Variants in COXFA4 observed in about 807,000 individuals in gnomAD.
COXFA4 encodes cytochrome c oxidase associated subunit FA4.
the COXFA4 span, among the ~76,000 whole-genome samples, chr7:10,934,014 A>G: frequency 6.6e-6 from 1 of 152,178 alleles, no homozygotes; most frequent in Non-Finnish European, 1.5e-5. Context: ...CATACTTCCA[A>G]TTCGGTAAGT....
At chr7:10,937,736 C>A in the COXFA4 span, 15 of 247,812 alleles carry the variant, frequency 6.1e-5, no homozygotes, top group African/African-American at 3.2e-4. Context: ...TCATGCCCCA[C>A]AAAAGACCAG....
chr7:10,934,386 A>AAAAAC, the COXFA4 span, among the ~76,000 whole-genome samples: 1 of 151,116 alleles, frequency 6.6e-6, no homozygotes, highest in African/African-American at 2.4e-5. Context: ...TAAAAAAAAA[A>AAAAAC]AAAAAAAACT....
chr7:10,939,819 G>A, the COXFA4 span: 2 of 704,512 alleles, frequency 2.8e-6, no homozygotes, highest in Non-Finnish European at 5.0e-6. Context: ...CCTCCTGTCA[G>A]ACAAAACCCC....
chr7:10,935,850 C>T, the COXFA4 span, among the ~76,000 whole-genome samples: 1 of 151,154 alleles, frequency 6.6e-6, no homozygotes, highest in Non-Finnish European at 1.5e-5. Flanking sequence ...GTTCACTTTT[C>T]ACTCACATTA....
At chr7:10,937,964 T>C in the COXFA4 span, 1 of 771,718 alleles carries the variant, frequency 1.3e-6, no homozygotes, top group Admixed American at 2.1e-5. Flanking sequence ...CAGAACTACC[T>C]AACAGCTCTT....
chr7:10,940,126 T>G, the COXFA4 span: 66 of 1,485,666 alleles, frequency 4.4e-5, no homozygotes, highest in Non-Finnish European at 6.0e-5. Context: ...AGCTAAAAAT[T>G]ATCTGCAATG....
the COXFA4 span, chr7:10,933,333 C>A: frequency 3.1e-6 from 1 of 324,450 alleles, no homozygotes; most frequent in Non-Finnish European, 5.8e-6. Context: ...AAGTGTTTTA[C>A]TAAAGCAGCT....
chr7:10,939,194 T>G, the COXFA4 span: 1 of 320,048 alleles, frequency 3.1e-6, no homozygotes, highest in African/African-American at 2.1e-5. Flanking sequence ...GTATCGAGTC[T>G]TCTTCACCTC....
At chr7:10,938,636 T>G in the COXFA4 span, 1 of 577,534 alleles carries the variant, frequency 1.7e-6, no homozygotes, top group Non-Finnish European at 3.1e-6. Flanking sequence ...AATTAGATAA[T>G]TTCATGAACC....
chr7:10,936,402 A>G, the COXFA4 span, among the ~76,000 whole-genome samples: 17 of 152,342 alleles, frequency 1.1e-4, 1 homozygote, highest in Middle Eastern at 3.4e-3. Flanking sequence ...TGAACTACAC[A>G]TACCCATAGA....
At chr7:10,938,488 T>C in the COXFA4 span, 2 of 420,426 alleles carry the variant, frequency 4.8e-6, no homozygotes, top group East Asian at 4.2e-5. Flanking sequence ...AATGTGCAAG[T>C]GAAGGCAAAA....
chr7:10,935,511 T>C, the COXFA4 span, among the ~76,000 whole-genome samples: 1 of 152,236 alleles, frequency 6.6e-6, no homozygotes, highest in Non-Finnish European at 1.5e-5. Flanking sequence ...ACGGACTGAA[T>C]GTTTATGTCC....
the COXFA4 span, chr7:10,933,599 C>A: frequency 4.5e-6 from 7 of 1,565,802 alleles, no homozygotes; most frequent in Non-Finnish European, 6.1e-6. Flanking sequence ...TCTGGAAGAC[C>A]TTCATTCTAA....
the COXFA4 span, among the ~76,000 whole-genome samples, chr7:10,934,210 T>C: frequency 1.3e-5 from 2 of 152,058 alleles, no homozygotes; most frequent in African/African-American, 4.8e-5. Flanking sequence ...AGATATTTTC[T>C]CTCTCTCACT....
the COXFA4 span, among the ~76,000 whole-genome samples, chr7:10,936,339 T>C: frequency 3.3e-5 from 5 of 152,242 alleles, no homozygotes. Flanking sequence ...TGTTGTGATA[T>C]TTCAGAACAT....
chr7:10,937,084 A>G, the COXFA4 span, among the ~76,000 whole-genome samples: 1 of 152,092 alleles, frequency 6.6e-6, no homozygotes, highest in African/African-American at 2.4e-5. Context: ...TCCATCATAG[A>G]TGTACACCTG....
chr7:10,933,776 T>C, the COXFA4 span: 1 of 978,688 alleles, frequency 1.0e-6, no homozygotes, highest in Non-Finnish European at 1.6e-6. Flanking sequence ...GTATTTGGTT[T>C]TCTACAGTAA....
chr7:10,939,950 AG>A, the COXFA4 span: 1 of 1,576,274 alleles, frequency 6.3e-7, no homozygotes, highest in Non-Finnish European at 8.7e-7. Flanking sequence ...CCCAGGGAAC[AG>A]AAAGAGGCGC....
chr7:10,939,859 C>G, the COXFA4 span: 4 of 848,898 alleles, frequency 4.7e-6, no homozygotes, highest in African/African-American at 1.7e-5. Context: ...GTCACAGAGG[C>G]CTGGGACAAC....
Sources: allele counts gnomAD v4.1 joint callset (sites outside exome capture counted in the v4.1 genomes callset), GRCh38; gene constraint gnomAD v4.1.1; transcripts MANE v1.5; gene names NCBI Gene and HGNC (gene_info 2026-07-23, HGNC 2026-07-21).